Variants in CCDC88C observed in about 807,000 individuals in gnomAD.
CCDC88C encodes coiled-coil and HOOK domain protein 88C.
In CCDC88C, 131 loss-of-function variants were observed where a neutral mutation model predicts 198.8. That is an observed-to-expected ratio of 0.66 (90% confidence interval 0.57 to 0.76). CCDC88C has a LOEUF of 0.76. Among genes scored for constraint, CCDC88C ranks in the 30% least tolerant of loss-of-function variants. CCDC88C has a pLI of 0.00. For synonymous variants in CCDC88C, 1,166 were observed against 1,114.7 expected (o/e 1.05, Z -0.92); for missense variants, 2,553 against 2,631.6 (o/e 0.97, Z 0.65).
chr14:91,317,758 C>T (rs916829032), intron 13 of CCDC88C, among the ~76,000 whole-genome samples: 4 of 152,150 alleles, frequency 2.6e-5, no homozygotes, highest in Admixed American at 6.5e-5. Flanking sequence ...CAGGGCCTCC[C>T]GAGGGCCACG....
chr14:91,322,569 A>T (rs1016432139), intron 12 of CCDC88C, among the ~76,000 whole-genome samples: 6 of 152,006 alleles, frequency 3.9e-5, no homozygotes, highest in Non-Finnish European at 8.8e-5. Context: ...CTCAAATAAG[A>T]CTCCATTATT....
In CCDC88C at chr14:91,339,924, T is replaced by C; in HGVS notation, c.584A>G (p.His195Arg). The change falls in exon 7 of 30, where the codon CAC becomes CGC. Residue 195 changes from histidine to arginine, a missense_variant. Around this residue, in one of 2 missense-constraint regions of CCDC88C, gnomAD observed 1,260 missense variants for 1,412.0 expected, o/e 0.89. Coordinates refer to ENST00000389857, the MANE Select transcript of CCDC88C (RefSeq NM_001080414.4). The surrounding 1 kb of genome is among the most constrained non-coding windows in gnomAD (Gnocchi z 5.8). ...LEALSRSMVL[H>R]LRRLIDQRDE... Reference sequence around the variant, plus strand: ...CCGCTGGTCGATGAGCCTCCGCAGGTGGAGCACCATGCTCCTCGACAGGGC... The same window carrying C: ...CCGCTGGTCGATGAGCCTCCGCAGGCGGAGCACCATGCTCCTCGACAGGGC... The C allele has an allele frequency of 1.3e-6, 2 of 1,594,814 alleles. No individual in the cohort carries two copies. The highest frequency in any genetic ancestry group is 1.7e-6 in the Non-Finnish European group (2 of 1,171,870).
chr14:91,388,667 A>T (rs755102), intron 3 of CCDC88C, among the ~76,000 whole-genome samples: 1 of 152,048 alleles, frequency 6.6e-6, no homozygotes, highest in African/African-American at 2.4e-5. Context: ...CGCAAAACAG[A>T]GAATGACTTA....
At chr14:91,364,807 C>A (rs1894457002) in intron 3 of CCDC88C, among the ~76,000 whole-genome samples, 1 of 152,152 alleles carries the variant, frequency 6.6e-6, no homozygotes, top group African/African-American at 2.4e-5. Context: ...CGGTGGCTTT[C>A]CAAGGTCACA....
chr14:91,340,693 G>GCT (rs1310792390), intron 6 of CCDC88C, among the ~76,000 whole-genome samples: 1 of 152,060 alleles, frequency 6.6e-6, no homozygotes, highest in African/African-American at 2.4e-5. Flanking sequence ...ATACCATAGT[G>GCT]CTCAGGCCTC....
chr14:91,366,153 T>A (rs201447263), intron 3 of CCDC88C, among the ~76,000 whole-genome samples: 6 of 136,370 alleles, frequency 4.4e-5, no homozygotes, highest in Admixed American at 1.5e-4. Flanking sequence ...ACTTAAAAAA[T>A]ACACACACAC....
intron 23 of CCDC88C, among the ~76,000 whole-genome samples, chr14:91,293,503 CCACGGCCTACCTTCCTGTCCCCTCACCT>C (rs1567055554): frequency 2.1e-5 from 3 of 144,934 alleles, no homozygotes; most frequent in African/African-American, 5.1e-5. Flanking sequence ...TCCTCACCTG[CCACGGCCTACCTTCCTGTCCCCTCACCT>C]GCCACGGCCC....
intron 10 of CCDC88C, among the ~76,000 whole-genome samples, chr14:91,334,226 G>T (rs537458451): frequency 6.6e-6 from 1 of 152,108 alleles, no homozygotes; most frequent in Admixed American, 6.6e-5. Context: ...TACCACCTGC[G>T]GGTCAACCTC....
intron 10 of CCDC88C, among the ~76,000 whole-genome samples, chr14:91,336,346 G>A (rs990479773): frequency 7.8e-4 from 119 of 152,176 alleles, no homozygotes; most frequent in Non-Finnish European, 9.1e-4. Context: ...GAACGAACAC[G>A]GAGACGGGAT....
Position 91,326,076 on chromosome 14 carries a change from A to T in CCDC88C, c.1051-20T>A. 6.2e-7 allele frequency: 1 copy of T among 1,603,536 alleles called. No homozygotes were observed. The highest frequency in any genetic ancestry group is 8.5e-7 in the Non-Finnish European group (1 of 1,174,958). On this transcript the variant is annotated intron_variant, in intron 10 of 29. Transcript: ENST00000389857. ...CAGCTCCTGGTTAGCAAAAACATAC[A>T]TGAGAACCATCAGATAAAGGCACCT...
At chr14:91,396,205 G>A (rs114379468) in intron 3 of CCDC88C, among the ~76,000 whole-genome samples, 4 of 152,324 alleles carry the variant, frequency 2.6e-5, no homozygotes, top group Non-Finnish European at 2.9e-5. Flanking sequence ...CCGGCTTCAC[G>A]GAGAGGCAGA....
chr14:91,359,345 G>C (rs375091259), intron 4 of CCDC88C, among the ~76,000 whole-genome samples: 2 of 152,068 alleles, frequency 1.3e-5, no homozygotes, highest in South Asian at 2.1e-4. Context: ...CACCTTGTTA[G>C]CCAGGATGGT....
intron 4 of CCDC88C, among the ~76,000 whole-genome samples, chr14:91,355,059 G>A (rs1052820331): frequency 1.3e-5 from 2 of 152,286 alleles, no homozygotes; most frequent in Middle Eastern, 3.4e-3. Flanking sequence ...GGAGCGGGCT[G>A]CAAAATGACA....
chr14:91,372,528 C>CGGGGGGGGGGGGGGGGGGG (rs199749681), intron 3 of CCDC88C, among the ~76,000 whole-genome samples: 1 of 24,532 alleles, frequency 4.1e-5, no homozygotes, highest in Admixed American at 3.6e-4. Context: ...GGCAGTGGTG[C>CGGGGGGGGGGGGGGGGGGG]GGGGGGGGGC....
Position 91,381,684 on chromosome 14 carries a change from A to C in CCDC88C, c.271-21973T>G, listed in dbSNP as rs1884801187. 6.6e-6 allele frequency among the ~76,000 whole-genome samples: 1 copy of C among 151,984 alleles called. No individual in the cohort carries two copies. Among genetic ancestry groups the C allele is most frequent in the Non-Finnish European group, 1.5e-5 (1 of 67,988 alleles). On this transcript the variant is annotated intron_variant, in intron 3 of 29. Transcript: ENST00000389857. This position sits in a 1 kb window ranked among gnomAD's most constrained non-coding sequence, Gnocchi z 4.2. ...CCCGTCTCTACTAAAAATACAAACA[A>C]TTATCTGGGCATGGTGGCGCGTGCA...
At chr14:91,379,850 C>T (rs942313732) in intron 3 of CCDC88C, 1 of 702,908 alleles carries the variant, frequency 1.4e-6, no homozygotes, top group Non-Finnish European at 2.6e-6. Flanking sequence ...CTGTGTCTGC[C>T]CGCAAGAAGT....
At chr14:91,396,928 A>G (rs988004364) in intron 3 of CCDC88C, among the ~76,000 whole-genome samples, 5 of 152,028 alleles carry the variant, frequency 3.3e-5, no homozygotes, top group Admixed American at 6.6e-5. Flanking sequence ...TGAGCCTGGC[A>G]GGTCAAGGTC....
chr14:91,275,033 C>T (rs1331611998), intron 29 of CCDC88C, among the ~76,000 whole-genome samples: 3 of 152,054 alleles, frequency 2.0e-5, no homozygotes, highest in Non-Finnish European at 4.4e-5. Flanking sequence ...AGAGTGGGGG[C>T]GCGGTGGGCA....
chr14:91,327,385 G>A (rs903132325), intron 10 of CCDC88C, among the ~76,000 whole-genome samples: 1 of 152,194 alleles, frequency 6.6e-6, no homozygotes, highest in Admixed American at 6.5e-5. Flanking sequence ...ATTCACCTGC[G>A]TGCCCTCCTC....
Sources: gnomAD v4.1 joint callset for allele counts (sites outside exome capture counted in the v4.1 genomes callset) on GRCh38, gnomAD v4.1.1 for gene constraint, gnomAD v4.1.1 regional missense constraint, Gnocchi (gnomAD v3.1) non-coding constraint, MANE v1.5 for transcripts, NCBI Gene and HGNC (gene_info 2026-07-23, HGNC 2026-07-21) for gene names.